DENND11: variants seen among roughly 807,000 people sequenced by gnomAD.
The protein encoded by DENND11 is DENN domain-containing protein 11.
In DENND11, 34 loss-of-function variants were observed where a neutral mutation model predicts 49.2. The observed-to-expected ratio is 0.69, with a 90% CI of 0.53 to 0.92. The LOEUF (loss-of-function observed/expected upper bound fraction) is 0.92. Among genes scored for constraint, DENND11 ranks in the 40% least tolerant of loss-of-function variants. The pLI, the probability that DENND11 is intolerant of heterozygous loss-of-function variation, is 0.00. For synonymous variants in DENND11, 238 were observed against 230.3 expected (o/e 1.03, Z -0.30); for missense variants, 475 against 581.6 (o/e 0.82, Z 1.88).
At position 141,657,068 on chromosome 7, in the gene DENND11, A is replaced by G. The variant is rs923276029; in HGVS notation, c.*5588T>C. The G allele has an allele frequency of 3.9e-5, 6 of 152,650 alleles. No individual in the cohort carries two copies. The highest frequency in any genetic ancestry group is 1.2e-4 in the African/African-American group (5 of 41,444). The allele number at this position is 152,650 out of a possible 1,614,324, so 9.5% of individuals were successfully genotyped here. A position where few individuals can be genotyped will look rare whatever the true frequency, so the allele number is the denominator to read the frequency against. On this transcript the variant is annotated 3_prime_UTR_variant, in exon 9 of 9. Coordinates refer to ENST00000536163, the MANE Select transcript of DENND11 (RefSeq NM_001080392.2). ...AATAGATTCAGTCTCTCGTATTGCT[A>G]TAACTCTTAGGCTGGGGTATTAATC...
chr7:141,673,237 A>G (rs935822261), intron 4 of DENND11, among the ~76,000 whole-genome samples: 4 of 152,030 alleles, frequency 2.6e-5, no homozygotes, highest in Non-Finnish European at 5.9e-5. Context: ...GCTGGAAAAC[A>G]AGGAATAAAA....
intron 4 of DENND11, among the ~76,000 whole-genome samples, chr7:141,668,758 TA>T (rs1196195723): frequency 6.6e-6 from 1 of 152,234 alleles, no homozygotes; most frequent in Non-Finnish European, 1.5e-5. Flanking sequence ...TCCTTTCTTC[TA>T]AAAGGGTCAG....
chr7:141,673,405 T>C (rs1562998083), intron 4 of DENND11, among the ~76,000 whole-genome samples: 1 of 152,184 alleles, frequency 6.6e-6, no homozygotes, highest in Non-Finnish European at 1.5e-5. Flanking sequence ...GAATCAGCAT[T>C]CCTCACTTTC....
At chr7:141,677,743 A>T (rs983135449) in intron 3 of DENND11, among the ~76,000 whole-genome samples, 1 of 151,822 alleles carries the variant, frequency 6.6e-6, no homozygotes, top group African/African-American at 2.4e-5. Context: ...CTAGACATGA[A>T]CAGTCATTTA....
In DENND11 at chr7:141,662,721, G is replaced by A; in HGVS notation, c.1303C>T (p.Leu435=). ...LDPQGDRSFL[L]DLLEAYGIDV... ...ATGCCATAGGCCTCCAGCAGGTCCA[G>A]GAGAAAGCTCCGGTCTCCTTGGGGG... The change falls in exon 9 of 9, where the codon CTG becomes TTG. Residue 435 remains leucine (L), a synonymous_variant. Transcript: ENST00000536163. 7.4e-6 allele frequency: 12 copies of A among 1,611,748 alleles called. No individual in the cohort carries two copies. The highest frequency in any genetic ancestry group is 9.3e-6 in the Non-Finnish European group (11 of 1,179,080).
intron 3 of DENND11, 89 bp downstream of exon 3, chr7:141,685,389 G>T: frequency 1.4e-6 from 2 of 1,460,652 alleles, no homozygotes; most frequent in African/African-American, 1.4e-5. Flanking sequence ...TGCTGCTCTG[G>T]CACGCAAATG....
At chr7:141,664,447 T>G (rs1797854668) in intron 7 of DENND11, among the ~76,000 whole-genome samples, 1 of 152,166 alleles carries the variant, frequency 6.6e-6, no homozygotes, top group South Asian at 2.1e-4. Flanking sequence ...AATCTCCTAG[T>G]TGTCTATCAG....
At chr7:141,682,112 T>G (rs1174739248) in intron 3 of DENND11, among the ~76,000 whole-genome samples, 1 of 152,162 alleles carries the variant, frequency 6.6e-6, no homozygotes, top group Non-Finnish European at 1.5e-5. Context: ...GAGGGACTTG[T>G]CTATTCTTTT....
intron 3 of DENND11, 56 bp downstream of exon 3, chr7:141,685,422 T>C (rs1043592459): frequency 8.2e-6 from 13 of 1,593,980 alleles, no homozygotes; most frequent in Non-Finnish European, 1.1e-5. Context: ...GCTCGTGCCA[T>C]ATGCACCAGC....
At position 141,696,547 on chromosome 7, in the gene DENND11, A is replaced by G. The variant is rs1311246793; in HGVS notation, c.268+5339T>C. ...CCTATCCAGAGACTGCCTCAGCTGG[A>G]GATCCTCTTCCAGCTCCTCTGACCT... On this transcript the variant is annotated intron_variant, in intron 1 of 8. Coordinates refer to ENST00000536163, the MANE Select transcript of DENND11 (RefSeq NM_001080392.2). Among the ~76,000 whole-genome samples the G allele has an allele frequency of 6.6e-5, 10 of 152,180 alleles. No homozygotes were observed. In the East Asian group the frequency reaches 1.7e-3, roughly 26 times the overall value.
At chr7:141,674,886 C>T (rs1041762153) in intron 3 of DENND11, among the ~76,000 whole-genome samples, 3 of 152,140 alleles carry the variant, frequency 2.0e-5, no homozygotes, top group African/African-American at 7.2e-5. Flanking sequence ...GAAGGCAGCA[C>T]CGAAGCCCTG....
Position 141,661,422 on chromosome 7 carries a change from C to T in DENND11, c.*1234G>A, listed in dbSNP as rs1797790842. 6.6e-6 allele frequency: 1 copy of T among 152,210 alleles called. No homozygotes were observed. Among genetic ancestry groups the T allele is most frequent in the South Asian group, 2.1e-4 (1 of 4,826 alleles). The allele number at this position is 152,210 out of a possible 1,614,324, so 9.4% of individuals were successfully genotyped here. A position where few individuals can be genotyped will look rare whatever the true frequency, so the allele number is the denominator to read the frequency against. ...GGACCCAGCCTAGAGCAGAGCACTT[C>T]AGAAGAGGATGGATAAATCCATCAG... is the stretch of plus-strand genomic sequence containing the variant. On this transcript the variant is annotated 3_prime_UTR_variant, in exon 9 of 9. Transcript: ENST00000536163.
chr7:141,681,863 GA>G (rs1222544414), intron 3 of DENND11, among the ~76,000 whole-genome samples: 2 of 152,170 alleles, frequency 1.3e-5, no homozygotes, highest in Non-Finnish European at 1.5e-5. Flanking sequence ...GGAAAATGAA[GA>G]AAGAATCTTC....
At chr7:141,698,133 G>A (rs1381608069) in intron 1 of DENND11, among the ~76,000 whole-genome samples, 2 of 152,212 alleles carry the variant, frequency 1.3e-5, no homozygotes, top group Non-Finnish European at 2.9e-5. Flanking sequence ...ATGCAAAGAT[G>A]TCCAGACATT....
intron 2 of DENND11, 88 bp from the exon 3 acceptor site, chr7:141,685,724 G>A (rs770798922): frequency 2.1e-6 from 3 of 1,415,696 alleles, no homozygotes; most frequent in Non-Finnish European, 2.9e-6. Context: ...ACTGTGTTCG[G>A]GGCTGTCAAT....
chr7:141,682,545 G>A (rs538951449), intron 3 of DENND11, among the ~76,000 whole-genome samples: 1 of 152,288 alleles, frequency 6.6e-6, no homozygotes, highest in South Asian at 2.1e-4. Flanking sequence ...GGGCTGAAAT[G>A]CAAACATAAT....
intron 3 of DENND11, among the ~76,000 whole-genome samples, chr7:141,682,847 C>T (rs779334604): frequency 6.6e-6 from 1 of 151,916 alleles, no homozygotes; most frequent in Non-Finnish European, 1.5e-5. Flanking sequence ...AACTGTATTG[C>T]CTACTTGGAG....
chr7:141,664,258 G>A lies in DENND11; in HGVS notation c.1104-18C>T, dbSNP rs1441820460. The A allele has an allele frequency of 1.7e-5, 26 of 1,567,296 alleles. No homozygotes were observed. Among genetic ancestry groups the A allele is most frequent in the East Asian group, 7.0e-5 (3 of 42,902 alleles). ...GCATCTGCCTGTTGGGAAGATCACC[G>A]TGAGACTCTGGTGCAGGTACCAGGA... On this transcript the variant is annotated intron_variant, in intron 7 of 8. Transcript: ENST00000536163.
At chr7:141,667,187 C>T (rs1166329061) in intron 4 of DENND11, among the ~76,000 whole-genome samples, 2 of 152,164 alleles carry the variant, frequency 1.3e-5, no homozygotes, top group Non-Finnish European at 2.9e-5. Flanking sequence ...TCCCAAAGTG[C>T]TGGGATTACA....
Sources: allele counts gnomAD v4.1 joint callset (sites outside exome capture counted in the v4.1 genomes callset), GRCh38; gene constraint gnomAD v4.1.1; transcripts MANE v1.5; gene names NCBI Gene and HGNC (gene_info 2026-07-23, HGNC 2026-07-21).